The following STPG2 variants were observed in gnomAD, a reference collection of about 807,000 sequenced individuals.
STPG2 encodes sperm tail PG-rich repeat containing 2.
A neutral mutation model predicts 54.2 loss-of-function variants in STPG2; 56 were observed. That is an observed-to-expected ratio of 1.03 (90% CI 0.83 to 1.29). STPG2 has a LOEUF of 1.29. Among genes scored for constraint, STPG2 ranks in the 50% most tolerant of loss-of-function variants. The pLI is 0.00. For synonymous variants in STPG2, 200 were observed against 181.8 expected, an observed-to-expected ratio of 1.10 and a Z score of -0.81; for missense variants, 596 against 544.9, an observed-to-expected ratio of 1.09 and a Z score of -0.93.
intron 8 of STPG2, among the ~76,000 whole-genome samples, chr4:97,888,264 A>G (rs991592295): frequency 1.3e-5 from 2 of 152,196 alleles, no homozygotes; most frequent in African/African-American, 4.8e-5. Flanking sequence ...AGAATGGTAG[A>G]TCCACCGACA....
intron 5 of STPG2, among the ~76,000 whole-genome samples, chr4:98,036,987 C>T (rs539643811): frequency 4.1e-4 from 63 of 152,070 alleles, no homozygotes; most frequent in Middle Eastern, 3.4e-3. Context: ...GCAAAATTAA[C>T]TTTAAAAAAT....
At position 97,840,909 on chromosome 4, in the gene STPG2, A is replaced by G. The variant is rs1728782405; in HGVS notation, c.1068T>C (p.Tyr356=). Residue 356 remains tyrosine, a synonymous_variant, in exon 9 of 11, where the codon TAT becomes TAC. Transcript: ENST00000295268. ...PDMVIPAPGS[Y]DVHKSYEMSQ... ...ACATCTCATATGATTTGTGAACATCATAGCTGCCTGGCGCTGGAATAACCT... is the reference window on the plus strand; with the variant it reads ...ACATCTCATATGATTTGTGAACATCGTAGCTGCCTGGCGCTGGAATAACCT... 1.2e-6 allele frequency: 2 copies of G among 1,611,618 alleles called. No homozygotes were observed. The highest frequency in any genetic ancestry group is 1.3e-5 in the African/African-American group (1 of 74,798).
chr4:98,064,619 G>T (rs147976324), intron 5 of STPG2, among the ~76,000 whole-genome samples: 1 of 152,040 alleles, frequency 6.6e-6, no homozygotes, highest in Non-Finnish European at 1.5e-5. Flanking sequence ...TGGCTTTCAG[G>T]TATTCATAAA....
At chr4:97,984,392 G>A (rs1025835776) in intron 5 of STPG2, among the ~76,000 whole-genome samples, 12 of 151,978 alleles carry the variant, frequency 7.9e-5, no homozygotes, top group East Asian at 3.9e-4. Flanking sequence ...TAACCCACCC[G>A]CCTCAGCCTC....
intron 5 of STPG2, among the ~76,000 whole-genome samples, chr4:98,082,596 C>T (rs1040417941): frequency 2.0e-5 from 3 of 150,314 alleles, no homozygotes; most frequent in Non-Finnish European, 4.5e-5. Context: ...GGACTACAGG[C>T]GCCCGCCACT....
intron 7 of STPG2, among the ~76,000 whole-genome samples, chr4:97,971,433 A>G (rs1734321753): frequency 6.6e-6 from 1 of 152,218 alleles, no homozygotes; most frequent in African/African-American, 2.4e-5. Context: ...CTAGTTTAAG[A>G]AAATGTGGCA....
chr4:98,125,827 C>G (rs1221201141), intron 3 of STPG2, among the ~76,000 whole-genome samples: 1 of 152,158 alleles, frequency 6.6e-6, no homozygotes, highest in Non-Finnish European at 1.5e-5. Flanking sequence ...GGGCTCTGTC[C>G]CAGGGAGATC....
chr4:97,965,997 A>G (rs900087491), intron 7 of STPG2, among the ~76,000 whole-genome samples: 1 of 152,190 alleles, frequency 6.6e-6, no homozygotes, highest in Non-Finnish European at 1.5e-5. Flanking sequence ...GCAACAAAAC[A>G]AAGCTGGGTG....
At chr4:97,529,950 A>G (rs762836651) in intron 4 of STPG2, among the ~76,000 whole-genome samples, 5 of 151,974 alleles carry the variant, frequency 3.3e-5, no homozygotes, top group Non-Finnish European at 5.9e-5. Flanking sequence ...CTAATTTTTT[A>G]TTTGTTTACT....
chr4:97,660,187 A>G (rs1722337707), intron 10 of STPG2, among the ~76,000 whole-genome samples: 1 of 152,154 alleles, frequency 6.6e-6, no homozygotes, highest in Non-Finnish European at 1.5e-5. Context: ...TATTTTTAGT[A>G]GAGATAGGGT....
At chr4:97,473,986 A>T (rs1208758694) in intron 4 of STPG2, among the ~76,000 whole-genome samples, 1 of 152,104 alleles carries the variant, frequency 6.6e-6, no homozygotes, top group East Asian at 1.9e-4. Flanking sequence ...GATCACTGAA[A>T]CTATTCTATA....
At chr4:98,089,186 C>T (rs1252013679) in intron 5 of STPG2, among the ~76,000 whole-genome samples, 3 of 152,062 alleles carry the variant, frequency 2.0e-5, no homozygotes, top group Non-Finnish European at 4.4e-5. Flanking sequence ...AGTAGGTAGT[C>T]TTTATCCATG....
intron 1 of STPG2, among the ~76,000 whole-genome samples, chr4:98,134,762 A>G (rs1291509666): frequency 6.6e-6 from 1 of 151,556 alleles, no homozygotes; most frequent in African/African-American, 2.4e-5. Flanking sequence ...TGGCAATTAT[A>G]TTTAGCTGAT....
At chr4:98,053,394 G>A (rs1197515136) in intron 5 of STPG2, among the ~76,000 whole-genome samples, 2 of 152,128 alleles carry the variant, frequency 1.3e-5, no homozygotes, top group Non-Finnish European at 2.9e-5. Flanking sequence ...CTTGCTTAGA[G>A]TATAGGCATA....
intron 10 of STPG2, among the ~76,000 whole-genome samples, chr4:97,632,230 A>AT (rs908023695): frequency 9.3e-5 from 14 of 151,176 alleles, no homozygotes; most frequent in South Asian, 2.1e-4. Context: ...GTAATAATAG[A>AT]TTTTTTTGTT....
intron 9 of STPG2, among the ~76,000 whole-genome samples, chr4:97,713,635 A>G (rs950561151): frequency 1.3e-4 from 20 of 152,326 alleles, no homozygotes; most frequent in African/African-American, 3.8e-4. Flanking sequence ...TCGAGCTCCT[A>G]TGAGAATCTA....
intron 10 of STPG2, among the ~76,000 whole-genome samples, chr4:97,688,124 G>C (rs912639237): frequency 3.3e-5 from 5 of 151,926 alleles, no homozygotes; most frequent in Non-Finnish European, 4.4e-5. Context: ...ATTTCTAAAA[G>C]TGAGTTTAGC....
At chr4:97,741,552 A>C (rs1426342624) in intron 9 of STPG2, among the ~76,000 whole-genome samples, 2 of 152,198 alleles carry the variant, frequency 1.3e-5, no homozygotes. Flanking sequence ...AAGTGGGCAA[A>C]GGACATGAAC....
chr4:97,758,937 G>A (rs977543099), intron 9 of STPG2, among the ~76,000 whole-genome samples: 5 of 151,880 alleles, frequency 3.3e-5, no homozygotes, highest in Middle Eastern at 3.4e-3. Flanking sequence ...AGGAAGCTGG[G>A]GATAATAAAG....
Sources: gnomAD v4.1 joint callset for allele counts (sites outside exome capture counted in the v4.1 genomes callset) on GRCh38, gnomAD v4.1.1 for gene constraint, MANE v1.5 for transcripts, NCBI Gene and HGNC (gene_info 2026-07-23, HGNC 2026-07-21) for gene names.